Variants in CDK14 observed in about 807,000 individuals in gnomAD.
The protein encoded by CDK14 is cyclin-dependent kinase 14.
Under a neutral mutation model 60.7 loss-of-function variants are expected in CDK14, and 34 were observed. The observed-to-expected ratio is 0.56, with a 90% confidence interval of 0.43 to 0.75. CDK14 has a LOEUF of 0.75. Ranked by LOEUF, CDK14 falls within the 30% of genes least tolerant of loss-of-function variation. The probability of loss-of-function intolerance (pLI) is 0.00; values close to 1 mark genes in which losing one functional copy is unlikely to be tolerated. For synonymous variants in CDK14, 197 were observed against 203.7 expected, an observed-to-expected ratio of 0.97 and a Z score of 0.28; for missense variants, 482 against 564.1, an observed-to-expected ratio of 0.85 and a Z score of 1.47.
intron 8 of CDK14, among the ~76,000 whole-genome samples, chr7:90,925,128 A>G (rs531363675): frequency 1.7e-4 from 26 of 152,320 alleles, no homozygotes; most frequent in African/African-American, 6.0e-4. Context: ...AACTTTTTGC[A>G]AAAATTCAAA....
Position 91,139,614 on chromosome 7 carries a change from C to T in CDK14, c.*28+21406C>T, listed in dbSNP as rs189868049. On this transcript the variant is annotated intron_variant, in intron 14 of 14. Transcript: ENST00000380050. ...TGTTTCCACCTAAGATATTTTTCAA[C>T]AAAGGATGCAGTGGCCAAAAGTTTG... is the stretch of plus-strand genomic sequence containing the variant. 5.9e-5 allele frequency among the ~76,000 whole-genome samples: 9 copies of T among 152,278 alleles called. No individual in the cohort carries two copies. The East Asian group carries it at 1.7e-3, about 29-fold the overall frequency.
intron 2 of CDK14, among the ~76,000 whole-genome samples, chr7:90,707,529 C>G (rs923365333): frequency 1.3e-5 from 2 of 152,190 alleles, no homozygotes; most frequent in African/African-American, 4.8e-5. Flanking sequence ...TCTTCTGCCT[C>G]TAGTCCTGTA....
At chr7:90,951,628 A>G (rs1266360360) in intron 8 of CDK14, among the ~76,000 whole-genome samples, 1 of 152,152 alleles carries the variant, frequency 6.6e-6, no homozygotes, top group African/African-American at 2.4e-5. Context: ...ACCACCTACA[A>G]AAAAAAGGAT....
chr7:91,023,973 A>G (rs1796501485), intron 10 of CDK14, among the ~76,000 whole-genome samples: 1 of 152,104 alleles, frequency 6.6e-6, no homozygotes, highest in African/African-American at 2.4e-5. Flanking sequence ...GGGTTTCACC[A>G]TGTTGGCCAG....
At chr7:91,002,331 T>G (rs557570819) in intron 10 of CDK14, among the ~76,000 whole-genome samples, 7 of 152,322 alleles carry the variant, frequency 4.6e-5, no homozygotes, top group Admixed American at 1.3e-4. Flanking sequence ...TATATTTGCT[T>G]TATGTTATAA....
chr7:91,194,756 AC>A (rs1454994297), intron 14 of CDK14, among the ~76,000 whole-genome samples: 1 of 152,198 alleles, frequency 6.6e-6, no homozygotes, highest in African/African-American at 2.4e-5. Flanking sequence ...CTTCCCAGTC[AC>A]AGGTGTGGAA....
intron 8 of CDK14, among the ~76,000 whole-genome samples, chr7:90,925,922 G>T (rs1163832503): frequency 6.6e-6 from 1 of 152,110 alleles, no homozygotes; most frequent in Non-Finnish European, 1.5e-5. Context: ...GACATTTTCA[G>T]ATTTTTTAAA....
chr7:90,920,700 T>C (rs1032099309), intron 8 of CDK14, among the ~76,000 whole-genome samples: 5 of 152,246 alleles, frequency 3.3e-5, no homozygotes, highest in African/African-American at 1.2e-4. Flanking sequence ...TATGCTGTTT[T>C]CTATATATAA....
intron 10 of CDK14, among the ~76,000 whole-genome samples, chr7:91,042,409 C>T (rs939285136): frequency 1.4e-4 from 21 of 152,120 alleles, no homozygotes; most frequent in Non-Finnish European, 8.8e-5. Context: ...CTCACTCTCC[C>T]ATACCATCAG....
At chr7:90,867,970 T>TAA (rs754113058) in intron 6 of CDK14, among the ~76,000 whole-genome samples, 1 of 145,052 alleles carries the variant, frequency 6.9e-6, no homozygotes, top group African/African-American at 2.5e-5. Context: ...TACATAAAAT[T>TAA]AAAAAAAAAA....
chr7:90,929,202 C>A (rs550776527), intron 8 of CDK14, among the ~76,000 whole-genome samples: 1 of 152,164 alleles, frequency 6.6e-6, no homozygotes, highest in Non-Finnish European at 1.5e-5. Flanking sequence ...CACCCTGCTC[C>A]GTGGGCTGCA....
At chr7:91,129,723 A>G (rs1800061883) in intron 14 of CDK14, among the ~76,000 whole-genome samples, 1 of 152,182 alleles carries the variant, frequency 6.6e-6, no homozygotes, top group Non-Finnish European at 1.5e-5. Flanking sequence ...AGCTTTCAAT[A>G]GAAAATTTGA....
intron 11 of CDK14, among the ~76,000 whole-genome samples, chr7:91,053,536 T>C (rs565950046): frequency 6.6e-6 from 1 of 152,338 alleles, no homozygotes; most frequent in South Asian, 2.1e-4. Context: ...ACTTGCTAGG[T>C]ATGGGCATAT....
At chr7:91,199,314 A>C (rs1435157835) in intron 14 of CDK14, among the ~76,000 whole-genome samples, 1 of 151,852 alleles carries the variant, frequency 6.6e-6, no homozygotes, top group African/African-American at 2.4e-5. Context: ...ATATGTATAC[A>C]ATATTATATG....
chr7:90,849,302 TC>T (rs1790567685), intron 5 of CDK14, among the ~76,000 whole-genome samples: 1 of 151,074 alleles, frequency 6.6e-6, no homozygotes, highest in Non-Finnish European at 1.5e-5. Flanking sequence ...ACAGAAATCT[TC>T]CTGAGGCCTC....
intron 4 of CDK14, among the ~76,000 whole-genome samples, chr7:90,757,209 AGTGTGTGTGTGTGT>A (rs56790315): frequency 2.5e-4 from 30 of 120,296 alleles, no homozygotes; most frequent in Admixed American, 1.1e-3. Context: ...GCATTCTTCC[AGTGTGTGTGTGTGT>A]GTGTGTGTGT....
chr7:90,899,243 A>T, intron 6 of CDK14, 48 bp from the exon 7 acceptor site: 1 of 1,384,342 alleles, frequency 7.2e-7, no homozygotes, highest in East Asian at 2.5e-5. Flanking sequence ...TTGATTTATT[A>T]TGTTATAGCC....
chr7:90,843,757 T>G (rs939048011), intron 5 of CDK14, among the ~76,000 whole-genome samples: 2 of 152,124 alleles, frequency 1.3e-5, no homozygotes, highest in Admixed American at 1.3e-4. Context: ...ACCTGATGAT[T>G]AGAGGGAGGA....
chr7:90,900,514 A>C (rs1026033291), intron 7 of CDK14, among the ~76,000 whole-genome samples: 1 of 152,210 alleles, frequency 6.6e-6, no homozygotes, highest in African/African-American at 2.4e-5. Flanking sequence ...TAACATGAAC[A>C]TAATTTTTTT....
Sources: allele counts gnomAD v4.1 joint callset (sites outside exome capture counted in the v4.1 genomes callset), GRCh38; gene constraint gnomAD v4.1.1; transcripts MANE v1.5; gene names NCBI Gene and HGNC (gene_info 2026-07-23, HGNC 2026-07-21).